Variants in ITSN1 observed in about 807,000 individuals in gnomAD.
ITSN1 encodes intersectin-1.
In ITSN1, 58 loss-of-function variants were observed where a neutral mutation model predicts 239.8. That is an observed-to-expected ratio of 0.24 (90% CI 0.20 to 0.30). ITSN1 has a LOEUF of 0.30. Among genes scored for constraint, ITSN1 ranks in the 10% least tolerant of loss-of-function variants. ITSN1 has a pLI of 1.00. For synonymous variants in ITSN1, 780 were observed against 770.8 expected (o/e 1.01, Z -0.20); for missense variants, 1,558 against 2,103.3 (o/e 0.74, Z 5.07).
Position 33,774,727 on chromosome 21 carries a change from A to C in ITSN1, c.1306-2A>C. The C allele has an allele frequency of 6.2e-7, 1 of 1,611,154 alleles. No individual in the cohort carries two copies. Among genetic ancestry groups the C allele is most frequent in the Non-Finnish European group, 8.5e-7 (1 of 1,179,234 alleles). ...AGTAATTTGTCTCTGTAAATGTCAC[A>C]GGCTGCAAAACGGGAACTTGAAAGG... On this transcript the variant is annotated splice_acceptor_variant, in intron 12 of 39. Transcript: ENST00000381318. LOFTEE classifies it high-confidence loss of function.
intron 14 of ITSN1, among the ~76,000 whole-genome samples, chr21:33,779,343 A>G (rs1423091913): frequency 2.0e-5 from 3 of 152,168 alleles, no homozygotes; most frequent in African/African-American, 7.2e-5. Flanking sequence ...TGACATTGCC[A>G]TATCCCACAA....
intron 1 of ITSN1, among the ~76,000 whole-genome samples, chr21:33,704,923 TAAAAAAAAAAA>T (rs55966725): frequency 2.1e-5 from 2 of 93,690 alleles, no homozygotes; most frequent in Non-Finnish European, 4.0e-5. Flanking sequence ...CCATCTCTAC[TAAAAAAAAAAA>T]AAAAAAAAAA....
chr21:33,647,962 G>A (rs2088131479), intron 1 of ITSN1, among the ~76,000 whole-genome samples: 1 of 152,214 alleles, frequency 6.6e-6, no homozygotes, highest in East Asian at 1.9e-4. Flanking sequence ...GGAATTTGCA[G>A]GATCAAAGCC....
chr21:33,738,901 C>G (rs2066671752), intron 5 of ITSN1, among the ~76,000 whole-genome samples: 1 of 151,998 alleles, frequency 6.6e-6, no homozygotes, highest in African/African-American at 2.4e-5. Context: ...CTCAAGCGTT[C>G]CTCCTGCTTC....
chr21:33,826,944 C>T, intron 26 of ITSN1, 81 bp downstream of exon 26: 3 of 1,113,766 alleles, frequency 2.7e-6, no homozygotes, highest in South Asian at 2.5e-5. Context: ...GTATTAGGGC[C>T]AGAAGCCTAA....
chr21:33,725,137 T>TG (rs2065750530), intron 4 of ITSN1, among the ~76,000 whole-genome samples: 1 of 42,010 alleles, frequency 2.4e-5, no homozygotes, highest in Non-Finnish European at 4.0e-5. Flanking sequence ...TTTTTTGTTT[T>TG]TTTTTTTTTT....
intron 8 of ITSN1, 138 bp downstream of exon 8, chr21:33,755,535 T>C (rs910383192): frequency 1.9e-5 from 11 of 585,072 alleles, no homozygotes; most frequent in African/African-American, 5.7e-5. Flanking sequence ...TATCTCATGT[T>C]CTTATCCACT....
At chr21:33,764,366 C>G (rs2068575089) in intron 9 of ITSN1, among the ~76,000 whole-genome samples, 1 of 152,104 alleles carries the variant, frequency 6.6e-6, no homozygotes, top group Admixed American at 6.5e-5. Flanking sequence ...CTAGGACTGG[C>G]TAATTGTGAG....
intron 4 of ITSN1, among the ~76,000 whole-genome samples, chr21:33,727,389 A>G (rs955873230): frequency 5.9e-5 from 9 of 151,986 alleles, no homozygotes; most frequent in African/African-American, 1.9e-4. Flanking sequence ...AATGGAGAGA[A>G]AAGAGGGAGT....
At chr21:33,660,980 G>T (rs568650780) in intron 1 of ITSN1, among the ~76,000 whole-genome samples, 1 of 152,214 alleles carries the variant, frequency 6.6e-6, no homozygotes, top group Non-Finnish European at 1.5e-5. Flanking sequence ...TCACAAAATC[G>T]TGTTTGTTAT....
At chr21:33,773,297 C>G (rs1227226294) in intron 12 of ITSN1, among the ~76,000 whole-genome samples, 1 of 151,962 alleles carries the variant, frequency 6.6e-6, no homozygotes, top group Non-Finnish European at 1.5e-5. Flanking sequence ...CATGAGCCAC[C>G]GCGCCTGGCC....
intron 1 of ITSN1, among the ~76,000 whole-genome samples, chr21:33,653,194 C>T (rs1441215066): frequency 3.3e-5 from 5 of 152,032 alleles, no homozygotes; most frequent in Admixed American, 2.0e-4. Context: ...GGGGTTTCGC[C>T]ATGTTGGCCA....
intron 11 of ITSN1, among the ~76,000 whole-genome samples, chr21:33,771,800 GA>G (rs1569144820): frequency 6.6e-6 from 1 of 152,184 alleles, no homozygotes; most frequent in African/African-American, 2.4e-5. Flanking sequence ...GAGTAACAGG[GA>G]AGGAAAGGAG....
chr21:33,667,902 G>T (rs1181503706), intron 1 of ITSN1, among the ~76,000 whole-genome samples: 1 of 152,170 alleles, frequency 6.6e-6, no homozygotes, highest in Non-Finnish European at 1.5e-5. Context: ...TTGTGAGGTG[G>T]GTTGGGTTCT....
In ITSN1 at chr21:33,794,433, C is replaced by G. The variant is rs1468362344; in HGVS notation, c.1917C>G (p.Ile639Met). 28 of 1,613,176 alleles carry G rather than the reference C, an allele frequency of 1.7e-5. No individual in the cohort carries two copies. Among genetic ancestry groups the G allele is most frequent in the Non-Finnish European group, 2.3e-5 (27 of 1,179,682 alleles). ...RLKQKEQERK[I>M]IELEKQKEEA... ...AACAGAAAGAACAAGAACGAAAGAT[C>G]ATAGAATTAGAAAAACAAAAAGAAG... Residue 639 changes from isoleucine (I) to methionine (M), a missense_variant, in exon 17 of 40, where the codon ATC becomes ATG. This residue lies in a region of ITSN1 where 982 missense variants were observed against 1,209.9 expected (regional missense o/e 0.81). Coordinates refer to ENST00000381318, the MANE Select transcript of ITSN1 (RefSeq NM_003024.3).
chr21:33,699,860 A>G (rs952089173), intron 1 of ITSN1, among the ~76,000 whole-genome samples: 6 of 152,214 alleles, frequency 3.9e-5, no homozygotes, highest in African/African-American at 1.2e-4. Context: ...CCTGGGACAA[A>G]AGCATTTTTT....
chr21:33,729,744 TC>T (rs892608340), intron 4 of ITSN1, among the ~76,000 whole-genome samples: 1 of 152,106 alleles, frequency 6.6e-6, no homozygotes, highest in African/African-American at 2.4e-5. Context: ...TAATAGTAAA[TC>T]AGTAAAGTGC....
intron 14 of ITSN1, among the ~76,000 whole-genome samples, chr21:33,778,741 G>A (rs2069874744): frequency 6.8e-6 from 1 of 146,146 alleles, no homozygotes; most frequent in South Asian, 2.1e-4. Flanking sequence ...ACTACGCCCG[G>A]CTAATTTTTT....
chr21:33,669,285 A>G (rs2090113887), intron 1 of ITSN1, among the ~76,000 whole-genome samples: 1 of 151,916 alleles, frequency 6.6e-6, no homozygotes, highest in Admixed American at 6.6e-5. Flanking sequence ...GTTTCACCAC[A>G]TTGGCCAGGC....
Sources: gnomAD v4.1 joint callset for allele counts (sites outside exome capture counted in the v4.1 genomes callset) on GRCh38, gnomAD v4.1.1 for gene constraint, gnomAD v4.1.1 regional missense constraint, MANE v1.5 for transcripts, NCBI Gene and HGNC (gene_info 2026-07-23, HGNC 2026-07-21) for gene names.